SP100: variants seen among roughly 807,000 people sequenced by gnomAD.
SP100 encodes the protein SP100 nuclear body protein.
A neutral mutation model predicts 130.0 loss-of-function variants in SP100; 84 were observed. That is an observed-to-expected ratio of 0.65 (90% CI 0.54 to 0.77). SP100 has a LOEUF of 0.77. Among genes scored for constraint, SP100 ranks in the 30% least tolerant of loss-of-function variants. The probability of loss-of-function intolerance (pLI) is 0.00; values close to 1 mark genes in which losing one functional copy is unlikely to be tolerated. For missense variants in SP100, 978 were observed against 1,052.2 expected (o/e 0.93, Z 0.97); for synonymous variants, 331 against 351.7 (o/e 0.94, Z 0.66).
At chr2:230,431,481 G>A (rs1288779041) in intron 2 of SP100, among the ~76,000 whole-genome samples, 3 of 152,168 alleles carry the variant, frequency 2.0e-5, no homozygotes, top group African/African-American at 4.8e-5. Context: ...GTGGTCCAAG[G>A]GAGGTGGTTC....
At chr2:230,505,196 A>T (rs1199658127) in intron 21 of SP100, among the ~76,000 whole-genome samples, 1 of 152,166 alleles carries the variant, frequency 6.6e-6, no homozygotes, top group Non-Finnish European at 1.5e-5. Context: ...TTGCACAACA[A>T]TGACATTTTC....
intron 2 of SP100, chr2:230,440,372 T>A (rs922025780): frequency 1.6e-5 from 5 of 320,522 alleles, no homozygotes; most frequent in Non-Finnish European, 2.7e-5. Context: ...TAATAAGGAA[T>A]TTGAAAAGCA....
rs1435335361 is a variant in SP100, at chr2:230,542,908, A to G, written c.2620A>G (p.Ile874Val). ...FEKNFRNIFA[I>V]QETSKNIIMF... ...GAAGAATTTCAGAAACATTTTTGCA[A>G]TTCAGGAAACAAGCAAGAACATTAT... Residue 874 changes from isoleucine (I) to valine (V), a missense_variant, in exon 29 of 29, where the codon ATT (isoleucine) becomes GTT (valine). Ile to Val is a conservative substitution (Grantham distance 29, BLOSUM62 3). Coordinates refer to ENST00000340126, the MANE Select transcript of SP100 (RefSeq NM_001080391.2). 6.2e-7 allele frequency: 1 copy of G among 1,609,556 alleles called. No individual in the cohort carries two copies. The highest frequency in any genetic ancestry group is 1.7e-5 in the Admixed American group (1 of 60,004).
chr2:230,468,817 CAAA>C (rs10617635), intron 13 of SP100: 331 of 149,684 alleles, frequency 2.2e-3, no homozygotes, highest in East Asian at 7.6e-3. Context: ...GACCCTGTCT[CAAA>C]AAAAAAAAAA....
At chr2:230,538,362 A>C (rs1462236632) in intron 24 of SP100, 3 of 152,166 alleles carry the variant, frequency 2.0e-5, no homozygotes, top group African/African-American at 7.2e-5. Flanking sequence ...AGAAACCTTG[A>C]CCCAGCAGCC....
At chr2:230,522,520 A>G (rs866543557) in intron 24 of SP100, among the ~76,000 whole-genome samples, 1,377 of 115,022 alleles carry the variant, frequency 0.012, 23 homozygotes, top group African/African-American at 0.046. Context: ...TTGCACTGTC[A>G]CACTGTCACC....
At chr2:230,514,371 C>T (rs1311286115) in intron 24 of SP100, among the ~76,000 whole-genome samples, 3 of 152,002 alleles carry the variant, frequency 2.0e-5, no homozygotes, top group Non-Finnish European at 4.4e-5. Context: ...GGAAAAAAAA[C>T]CTGTTCCATT....
chr2:230,437,800 C>T (rs1056047955), intron 2 of SP100, among the ~76,000 whole-genome samples: 4 of 152,162 alleles, frequency 2.6e-5, no homozygotes, highest in African/African-American at 9.7e-5. Flanking sequence ...TCGTGATCCG[C>T]CCGCCTCAGC....
rs199894693 is a variant in SP100 at position 230,462,451 on chromosome 2, C to T, written c.990C>T (p.Asp330=). 14 of 1,613,710 alleles carry T rather than the reference C, an allele frequency of 8.7e-6. No individual in the cohort carries two copies. The highest frequency in any genetic ancestry group is 1.7e-5 in the Admixed American group (1 of 60,004). ...ASDIIVISSE[D]SEGSTDVDEP... ...TTTGTGCAGTCATCAGCAGTGAGGA[C>T]TCTGAAGGATCCACTGACGTTGATG... The change falls in exon 10 of 29, where the codon GAC becomes GAT. Residue 330 remains aspartate (D), a synonymous_variant. Coordinates refer to ENST00000340126, the MANE Select transcript of SP100 (RefSeq NM_001080391.2).
intron 15 of SP100, among the ~76,000 whole-genome samples, chr2:230,471,177 G>C (rs2065246861): frequency 6.6e-6 from 1 of 152,234 alleles, no homozygotes; most frequent in Admixed American, 6.5e-5. Flanking sequence ...CAGGAGACAA[G>C]ATAAATCAAA....
chr2:230,427,726 T>C (rs2062977265), intron 2 of SP100, among the ~76,000 whole-genome samples: 1 of 152,218 alleles, frequency 6.6e-6, no homozygotes, highest in African/African-American at 2.4e-5. Context: ...ACTACAGGTT[T>C]CTACTTAGTG....
intron 22 of SP100, 185 bp downstream of exon 22, chr2:230,506,630 A>G: frequency 1.8e-6 from 1 of 571,152 alleles, no homozygotes; most frequent in Non-Finnish European, 3.1e-6. Context: ...TTACAGCTTA[A>G]TCCTCTAAGT....
chr2:230,458,087 T>A (rs1020850593), intron 8 of SP100, among the ~76,000 whole-genome samples: 2 of 151,288 alleles, frequency 1.3e-5, no homozygotes, highest in Middle Eastern at 3.4e-3. Flanking sequence ...AAAACACAGT[T>A]GACCCCTGGA....
At chr2:230,444,427 GA>G (rs2063599478) in intron 4 of SP100, 81 bp downstream of exon 4, 2 of 1,130,358 alleles carry the variant, frequency 1.8e-6, no homozygotes. Context: ...TACCATGAGT[GA>G]CATGTTGTGT....
At chr2:230,447,047 G>A (rs973595252) in intron 5 of SP100, 145 bp downstream of exon 5, 3 of 575,360 alleles carry the variant, frequency 5.2e-6, no homozygotes, top group South Asian at 2.1e-5. Context: ...CAGGTGCAGG[G>A]TCCTGGAGAA....
intron 24 of SP100, chr2:230,514,899 C>A: frequency 2.5e-6 from 2 of 796,878 alleles, no homozygotes; most frequent in Non-Finnish European, 3.7e-6. Flanking sequence ...CATTACTTAA[C>A]ACGAGGTCAA....
At chr2:230,416,621 G>T in intron 1 of SP100, 3 of 547,902 alleles carry the variant, frequency 5.5e-6, no homozygotes, top group Non-Finnish European at 7.6e-6. Context: ...TTGGTGGCTG[G>T]GATTAACTAT....
rs752923118 is a variant in SP100 at position 230,469,790 on chromosome 2, AAAG to A, written c.1346-216_1346-214del. On this transcript the variant is annotated intron_variant, in intron 14 of 28. Coordinates refer to ENST00000340126, the MANE Select transcript of SP100 (RefSeq NM_001080391.2). The stretch of plus-strand genomic sequence containing the variant: ...TATTTTTCCCAAAGTTAAAAAAAAA[AAAG>A]AAGAAGAAACAATGTCATCCCCAGC... 1,226 of 850,650 alleles carry A rather than the reference AAAG, an allele frequency of 1.4e-3. 1 individual carries two copies. Among genetic ancestry groups the A allele is most frequent in the Middle Eastern group, 3.1e-3 (8 of 2,562 alleles). 52.7% of individuals were successfully genotyped at this position (850,650 alleles called of 1,614,324 possible).
intron 24 of SP100, among the ~76,000 whole-genome samples, chr2:230,532,462 G>A (rs558822576): frequency 6.6e-6 from 1 of 151,748 alleles, no homozygotes; most frequent in African/African-American, 2.4e-5. Context: ...TACTAATTGG[G>A]ATTTCTCTCA....
Sources: allele counts gnomAD v4.1 joint callset (sites outside exome capture counted in the v4.1 genomes callset), GRCh38; gene constraint gnomAD v4.1.1; transcripts MANE v1.5; gene names NCBI Gene and HGNC (gene_info 2026-07-23, HGNC 2026-07-21).